INSR: variants seen among roughly 807,000 people sequenced by gnomAD.
INSR encodes insulin receptor.
INSR carries 67 observed loss-of-function variants against 142.6 expected under a neutral mutation model. The observed-to-expected ratio is 0.47, with a 90% CI of 0.39 to 0.58. INSR has a LOEUF of 0.58. Ranked by LOEUF, INSR falls within the 20% of genes least tolerant of loss-of-function variation. The probability of loss-of-function intolerance (pLI) is 0.00; values close to 1 mark genes in which losing one functional copy is unlikely to be tolerated. For synonymous variants in INSR, 756 were observed against 743.1 expected, an observed-to-expected ratio of 1.02 and a Z score of -0.28; for missense variants, 1,248 against 1,833.2, an observed-to-expected ratio of 0.68 and a Z score of 5.83.
chr19:7,186,564 G>T (rs1044389559), intron 2 of INSR, among the ~76,000 whole-genome samples: 1 of 151,966 alleles, frequency 6.6e-6, no homozygotes, highest in African/African-American at 2.4e-5. Flanking sequence ...CTTTTATGTG[G>T]CTATGCAACC....
At position 7,166,540 on chromosome 19, in the gene INSR, A is replaced by G; in HGVS notation, c.1611-136T>C. 1 of 959,226 alleles carries G rather than the reference A, an allele frequency of 1.0e-6. No individual in the cohort carries two copies. 59.4% of individuals were successfully genotyped at this position (959,226 alleles called of 1,614,324 possible). ...CAACAATCTAATGCCACAAGAAAAA[A>G]TAACTCGGGAACAGCCAAAGAGAAA... On this transcript the variant is annotated intron_variant, in intron 7 of 21. Transcript: ENST00000302850. The surrounding 1 kb of genome is among the most constrained non-coding windows in gnomAD (Gnocchi z 4.1).
rs537419657 is a variant in INSR at position 7,154,383 on chromosome 19, A to G, written c.2030-1456T>C. Among the ~76,000 whole-genome samples, 275 of 141,022 alleles carry G rather than the reference A, an allele frequency of 2.0e-3. 2 individuals are homozygous for G. The highest frequency in any genetic ancestry group is 6.9e-3 in the African/African-American group (266 of 38,820). The allele number at this position is 141,022 out of a possible 152,430, so 92.5% of individuals were successfully genotyped here. ...AGTGGCGCGATCTTGGCTCACTGCA[A>G]GCTCCACCGCTTGGGTTCATGGCAT... On this transcript the variant is annotated intron_variant, in intron 9 of 21. Coordinates refer to ENST00000302850, the MANE Select transcript of INSR (RefSeq NM_000208.4).
intron 2 of INSR, among the ~76,000 whole-genome samples, chr19:7,258,237 C>T (rs1179518461): frequency 1.3e-5 from 2 of 152,082 alleles, no homozygotes; most frequent in Non-Finnish European, 2.9e-5. Flanking sequence ...TTGTTTGAGA[C>T]CAGCCTGGGC....
In INSR at chr19:7,184,535, C is replaced by G. The variant is rs919315478; in HGVS notation, c.755G>C (p.Cys252Ser). 1.1e-5 allele frequency: 18 copies of G among 1,613,930 alleles called. No homozygotes were observed. Among genetic ancestry groups the G allele is most frequent in the Admixed American group, 1.7e-5 (1 of 59,972 alleles). ...NCSQPDDPTKCVACRNFYLDG... is the reference protein window; with the variant it reads ...NCSQPDDPTKSVACRNFYLDG... ...CAGGTAGAAGTTGCGGCAGGCCACG[C>G]ACTTGGTGGGGTCGTCGGGCTGAGA... The change falls in exon 3 of 22, where the codon TGC becomes TCC. Residue 252 changes from cysteine (C) to serine (S), a missense_variant. Cys to Ser is a moderately radical substitution (Grantham distance 112, BLOSUM62 -1). Around this residue, in one of 3 missense-constraint regions of INSR, gnomAD observed 1,069 missense variants for 1,654.0 expected, o/e 0.65. Transcript: ENST00000302850.
Position 7,119,809 on chromosome 19 carries a change from CA to C in INSR, c.3660-227del, listed in dbSNP as rs1320909316. On this transcript the variant is annotated intron_variant, in intron 20 of 21. Coordinates refer to ENST00000302850, the MANE Select transcript of INSR (RefSeq NM_000208.4). This position sits in a 1 kb window ranked among gnomAD's most constrained non-coding sequence, Gnocchi z 5.2. ...ATGCACACACAAATATGCAAACACA[CA>C]AACACATATACACACACAAACACAC... 8.0e-6 allele frequency among the ~76,000 whole-genome samples: 1 copy of C among 124,992 alleles called. No homozygotes were observed. The highest frequency in any genetic ancestry group is 1.7e-5 in the Non-Finnish European group (1 of 57,376). 82.0% of individuals were successfully genotyped at this position (124,992 alleles called of 152,430 possible). A position where few individuals can be genotyped will look rare whatever the true frequency, so the allele number is the denominator to read the frequency against.
At position 7,163,118 on chromosome 19, in the gene INSR, G is replaced by C. The variant is rs942987782; in HGVS notation, c.1943C>G (p.Pro648Arg). 5.6e-6 allele frequency: 9 copies of C among 1,613,934 alleles called. No individual in the cohort carries two copies. The highest frequency in any genetic ancestry group is 6.8e-6 in the Non-Finnish European group (8 of 1,179,998). The change falls in exon 9 of 22, where the codon CCC becomes CGC. Residue 648 changes from proline (P) to arginine (R), a missense_variant. By Grantham distance (103) the Pro-to-Arg change is moderately radical. This residue lies in a region of INSR where 1,069 missense variants were observed against 1,654.0 expected (regional missense o/e 0.65). Coordinates refer to ENST00000302850, the MANE Select transcript of INSR (RefSeq NM_000208.4). ...CAGGTAGTGGGTGATGTTGCCATTG[G>C]GGTCGGAGGGTGGTTTCCACTTCAG... ...IILKWKPPSD[P>R]NGNITHYLVF...
intron 2 of INSR, among the ~76,000 whole-genome samples, chr19:7,214,311 G>A (rs563631185): frequency 1.5e-4 from 23 of 152,184 alleles, no homozygotes; most frequent in Admixed American, 2.6e-4. Context: ...CCCTGTGCTG[G>A]CCCTCCATAA....
Position 7,166,552 on chromosome 19 carries a change from C to G in INSR, c.1611-148G>C, listed in dbSNP as rs1973895228. Reference sequence around the variant, plus strand: ...GCCACAAGAAAAAATAACTCGGGAACAGCCAAAGAGAAAGGAACTGTCAAC... The same window carrying G: ...GCCACAAGAAAAAATAACTCGGGAAGAGCCAAAGAGAAAGGAACTGTCAAC... On this transcript the variant is annotated intron_variant, in intron 7 of 21. Coordinates refer to ENST00000302850, the MANE Select transcript of INSR (RefSeq NM_000208.4). This position sits in a 1 kb window ranked among gnomAD's most constrained non-coding sequence, Gnocchi z 4.1. 7.8e-6 allele frequency: 7 copies of G among 891,800 alleles called. No homozygotes were observed. The Admixed American group carries it at 1.2e-4, about 16-fold the overall frequency. The allele number at this position is 891,800 out of a possible 1,614,324, so 55.2% of individuals were successfully genotyped here.
chr19:7,185,118 G>C (rs536291223), intron 2 of INSR, among the ~76,000 whole-genome samples: 15 of 150,142 alleles, frequency 1.0e-4, no homozygotes, highest in African/African-American at 3.8e-4. Context: ...GGAAAACATC[G>C]TATGATATTA....
At chr19:7,158,429 A>G (rs1446196651) in intron 9 of INSR, among the ~76,000 whole-genome samples, 1 of 152,112 alleles carries the variant, frequency 6.6e-6, no homozygotes, top group East Asian at 1.9e-4. Context: ...TGAACCCGGG[A>G]GGCGGAGCTT....
rs1042335934 is a variant in INSR at position 7,166,068 on chromosome 19, G to A, written c.1861+86C>T. 2.0e-5 allele frequency: 30 copies of A among 1,493,128 alleles called. No individual in the cohort carries two copies. In the South Asian group the frequency reaches 2.1e-4, roughly 10 times the overall value. The allele number at this position is 1,493,128 out of a possible 1,614,324, so 92.5% of individuals were successfully genotyped here. A position where few individuals can be genotyped will look rare whatever the true frequency, so the allele number is the denominator to read the frequency against. ...AAAAAGCCAATAACCATATCAAGGA[G>A]CATTTTATACAACCTCACTGCATCA... On this transcript the variant is annotated intron_variant, in intron 8 of 21. Coordinates refer to ENST00000302850, the MANE Select transcript of INSR (RefSeq NM_000208.4). The surrounding 1 kb of genome is among the most constrained non-coding windows in gnomAD (Gnocchi z 4.1).
chr19:7,130,392 C>A (rs1972746221), intron 14 of INSR, among the ~76,000 whole-genome samples: 1 of 152,298 alleles, frequency 6.6e-6, no homozygotes, highest in East Asian at 1.9e-4. Context: ...ACAGTAGACA[C>A]CGGGACTGCT....
intron 17 of INSR, 68 bp from the exon 18 acceptor site, chr19:7,123,057 T>A (rs1972533794): frequency 8.7e-7 from 1 of 1,151,804 alleles, no homozygotes; most frequent in African/African-American, 1.5e-5. Context: ...TTCTCCTCCC[T>A]CCCTGGTGTC....
chr19:7,286,558 T>C (rs1357486463), intron 1 of INSR, among the ~76,000 whole-genome samples: 2 of 151,676 alleles, frequency 1.3e-5, no homozygotes, highest in Non-Finnish European at 2.9e-5. Context: ...CAGCTAATTT[T>C]TAAACTTTTT....
At chr19:7,165,705 A>G (rs1442033558) in intron 8 of INSR, among the ~76,000 whole-genome samples, 1 of 151,880 alleles carries the variant, frequency 6.6e-6, no homozygotes, top group Non-Finnish European at 1.5e-5. Flanking sequence ...TCTACAAGAA[A>G]TACAAAAATT....
chr19:7,207,901 A>G (rs1018407641), intron 2 of INSR, among the ~76,000 whole-genome samples: 6 of 72,802 alleles, frequency 8.2e-5, no homozygotes, highest in African/African-American at 2.6e-4. Flanking sequence ...GGAAGGAAGG[A>G]AAGGAAGGAA....
chr19:7,232,617 T>C (rs908642501), intron 2 of INSR, among the ~76,000 whole-genome samples: 1 of 152,132 alleles, frequency 6.6e-6, no homozygotes, highest in Non-Finnish European at 1.5e-5. Context: ...GAGACCATCC[T>C]GGCTAACAAG....
intron 9 of INSR, among the ~76,000 whole-genome samples, 180 bp from the exon 10 acceptor site, chr19:7,153,107 A>C (rs1255738041): frequency 8.8e-3 from 5 of 568 alleles, no homozygotes; most frequent in African/African-American, 0.013. Flanking sequence ...ACACACCACA[A>C]ACACACAACC....
At chr19:7,249,001 C>T (rs937007789) in intron 2 of INSR, among the ~76,000 whole-genome samples, 16 of 152,054 alleles carry the variant, frequency 1.1e-4, no homozygotes, top group Non-Finnish European at 1.8e-4. Flanking sequence ...TCAGATGATC[C>T]GCCCACCTCG....
Sources: gnomAD v4.1 joint callset for allele counts (sites outside exome capture counted in the v4.1 genomes callset) on GRCh38, gnomAD v4.1.1 for gene constraint, gnomAD v4.1.1 regional missense constraint, Gnocchi (gnomAD v3.1) non-coding constraint, MANE v1.5 for transcripts, NCBI Gene and HGNC (gene_info 2026-07-23, HGNC 2026-07-21) for gene names.